Variants in HS3ST5 observed in about 807,000 individuals in gnomAD.
The protein encoded by HS3ST5 is heparan sulfate glucosamine 3-O-sulfotransferase 5.
HS3ST5 carries 10 observed loss-of-function variants against 25.4 expected under a neutral mutation model. That is an observed-to-expected ratio of 0.39 (90% CI 0.24 to 0.67). HS3ST5 has a LOEUF of 0.67. HS3ST5 is among the 30% of genes least tolerant of loss of function. The pLI is 0.44. For synonymous variants in HS3ST5, 170 were observed against 162.4 expected (o/e 1.05, Z -0.36); for missense variants, 324 against 420.7 (o/e 0.77, Z 2.01).
chr6:114,340,722 C>A (rs1202941302), intron 1 of HS3ST5: 1 of 152,142 alleles, frequency 6.6e-6, no homozygotes, highest in Non-Finnish European at 1.5e-5. Flanking sequence ...AGCAATAAAA[C>A]CTTTTTTAAA....
chr6:114,055,824 T>A lies in HS3ST5; in HGVS notation c.*1433A>T, dbSNP rs1772748790. On this transcript the variant is annotated 3_prime_UTR_variant, in exon 5 of 5. Transcript: ENST00000312719. ...AAAAAAATCCATCTTTTTGTTGTCG[T>A]TGTTAATACCCCTTTCCACATTTTA... is the stretch of plus-strand genomic sequence containing the variant. 6.6e-6 allele frequency: 1 copy of A among 152,158 alleles called. No homozygotes were observed. Among genetic ancestry groups the A allele is most frequent in the Non-Finnish European group, 1.5e-5 (1 of 67,978 alleles). The allele number at this position is 152,158 out of a possible 1,614,324, so 9.4% of individuals were successfully genotyped here.
intron 1 of HS3ST5, among the ~76,000 whole-genome samples, chr6:114,299,366 A>G (rs535326134): frequency 5.3e-5 from 8 of 152,166 alleles, no homozygotes; most frequent in African/African-American, 1.7e-4. Context: ...AGCAATTTTA[A>G]TTTCGCCCTG....
At chr6:114,081,821 C>T (rs561086137) in intron 3 of HS3ST5, among the ~76,000 whole-genome samples, 4 of 152,292 alleles carry the variant, frequency 2.6e-5, no homozygotes, top group Admixed American at 2.6e-4. Flanking sequence ...TTTATCAATA[C>T]CATCGCTCAC....
At chr6:114,058,891 T>C (rs1328367732) in intron 4 of HS3ST5, 1 of 152,206 alleles carries the variant, frequency 6.6e-6, no homozygotes, top group Non-Finnish European at 1.5e-5. Context: ...TCAAACCCAA[T>C]TGCCATCAGC....
chr6:114,068,943 C>T lies in HS3ST5; in HGVS notation c.-32-6066G>A, dbSNP rs867722807. On this transcript the variant is annotated intron_variant, in intron 3 of 4. Coordinates refer to ENST00000312719, the MANE Select transcript of HS3ST5 (RefSeq NM_153612.4). ...AGTATCTAAATAACAGAGTATGTGG[C>T]CAGAAACGACAAATTGTAGAGACAT... Among the ~76,000 whole-genome samples, 6 of 152,098 alleles carry T rather than the reference C, an allele frequency of 3.9e-5. No individual in the cohort carries two copies. The South Asian group carries it at 1.2e-3, about 32-fold the overall frequency.
At chr6:114,219,181 C>A (rs530974841) in intron 2 of HS3ST5, among the ~76,000 whole-genome samples, 1 of 152,178 alleles carries the variant, frequency 6.6e-6, no homozygotes, top group South Asian at 2.1e-4. Context: ...TATTATATTA[C>A]ACTATATTGT....
chr6:114,172,411 A>AT (rs1195798742), intron 2 of HS3ST5, among the ~76,000 whole-genome samples: 2 of 152,200 alleles, frequency 1.3e-5, no homozygotes, highest in Non-Finnish European at 2.9e-5. Context: ...TTATCTATTG[A>AT]TTTTCAGTTT....
chr6:114,156,987 T>G (rs1416906858), intron 3 of HS3ST5, among the ~76,000 whole-genome samples: 2 of 152,204 alleles, frequency 1.3e-5, no homozygotes, highest in Non-Finnish European at 2.9e-5. Context: ...TCACCTGAAC[T>G]CAACGCTATT....
chr6:114,232,789 A>G (rs545414064), intron 1 of HS3ST5, among the ~76,000 whole-genome samples: 1 of 152,120 alleles, frequency 6.6e-6, no homozygotes, highest in East Asian at 1.9e-4. Context: ...AACCTACTTC[A>G]CTACTTTTCT....
intron 3 of HS3ST5, among the ~76,000 whole-genome samples, chr6:114,148,535 C>T (rs1164822416): frequency 5.9e-5 from 9 of 152,046 alleles, no homozygotes; most frequent in Non-Finnish European, 1.0e-4. Flanking sequence ...GCAGGAGAAT[C>T]GCTTGAACCC....
chr6:114,279,267 T>C lies in HS3ST5; in HGVS notation c.-338-50489A>G, dbSNP rs1326072757. The stretch of plus-strand genomic sequence containing the variant: ...CAAGCAAAAGCAAGTATATGCAATG[T>C]TACTAAAATGTAAAAGTGCTGCTTC... On this transcript the variant is annotated intron_variant, in intron 1 of 4. Transcript: ENST00000312719. 4.6e-5 allele frequency among the ~76,000 whole-genome samples: 7 copies of C among 152,142 alleles called. No homozygotes were observed. The East Asian group carries it at 1.4e-3, about 30-fold the overall frequency.
At chr6:114,209,278 A>G (rs535701789) in intron 2 of HS3ST5, among the ~76,000 whole-genome samples, 166 of 152,182 alleles carry the variant, frequency 1.1e-3, no homozygotes, top group Admixed American at 2.1e-3. Context: ...TTTGGAAATT[A>G]CTAATTATAT....
At chr6:114,181,958 A>C (rs575550522) in intron 2 of HS3ST5, among the ~76,000 whole-genome samples, 9 of 152,176 alleles carry the variant, frequency 5.9e-5, no homozygotes, top group African/African-American at 2.2e-4. Flanking sequence ...TCTGAAGGAG[A>C]GATATTTCCT....
At chr6:114,144,251 C>A (rs1325377240) in intron 3 of HS3ST5, among the ~76,000 whole-genome samples, 1 of 152,184 alleles carries the variant, frequency 6.6e-6, no homozygotes, top group Non-Finnish European at 1.5e-5. Context: ...CAGAGACAAG[C>A]ATGCAGCATT....
rs547804000 is a variant in HS3ST5, at chr6:114,272,814, C to T, written c.-338-44036G>A. ...GCAGATAACAGAGGGAAGAAAATGC[C>T]AGGCATCAGCCGGTGCAAAGGCCTT... On this transcript the variant is annotated intron_variant, in intron 1 of 4. Transcript: ENST00000312719. 8.0e-4 allele frequency among the ~76,000 whole-genome samples: 121 copies of T among 152,160 alleles called. 2 individuals are homozygous for T. The highest frequency in any genetic ancestry group is 2.9e-3 in the African/African-American group (119 of 41,520).
At chr6:114,333,860 A>G (rs1776503564) in intron 1 of HS3ST5, among the ~76,000 whole-genome samples, 3 of 152,198 alleles carry the variant, frequency 2.0e-5, no homozygotes, top group Admixed American at 2.0e-4. Flanking sequence ...AGTTGGTATC[A>G]CACATCTAGT....
chr6:114,086,961 G>T lies in HS3ST5; in HGVS notation c.-32-24084C>A, dbSNP rs58914329. 4.3e-3 allele frequency among the ~76,000 whole-genome samples: 651 copies of T among 152,260 alleles called. 6 individuals carry two copies. The highest frequency in any genetic ancestry group is 0.015 in the African/African-American group (621 of 41,542). ...TATCTGACACCAAGTCAGTGTTCTG[G>T]GTTGTAATCTGTAAACTATTGTCTT... On this transcript the variant is annotated intron_variant, in intron 3 of 4. Transcript: ENST00000312719.
chr6:114,230,595 T>TC (rs914978218), intron 1 of HS3ST5, among the ~76,000 whole-genome samples: 2 of 100,192 alleles, frequency 2.0e-5, no homozygotes, highest in Non-Finnish European at 4.4e-5. Flanking sequence ...GCCTTAAGAC[T>TC]CTTTTTTTTT....
At chr6:114,149,029 AG>A (rs1169839146) in intron 3 of HS3ST5, among the ~76,000 whole-genome samples, 1 of 152,254 alleles carries the variant, frequency 6.6e-6, no homozygotes, top group Non-Finnish European at 1.5e-5. Context: ...AACCACAGTG[AG>A]ATACCATCTC....
Sources: gnomAD v4.1 joint callset for allele counts (sites outside exome capture counted in the v4.1 genomes callset) on GRCh38, gnomAD v4.1.1 for gene constraint, MANE v1.5 for transcripts, NCBI Gene and HGNC (gene_info 2026-07-23, HGNC 2026-07-21) for gene names.